Variants in TAFA1 observed in about 807,000 individuals in gnomAD.
TAFA1 encodes the protein chemokine-like protein TAFA-1.
In TAFA1, 4 loss-of-function variants were observed where a neutral mutation model predicts 18.5. That is an observed-to-expected ratio of 0.22 (90% CI 0.11 to 0.49). The LOEUF is 0.49. TAFA1 is among the 20% of genes least tolerant of loss of function. TAFA1 has a pLI of 0.98. For synonymous variants in TAFA1, 56 were observed against 55.2 expected, an observed-to-expected ratio of 1.01 and a Z score of -0.06; for missense variants, 147 against 169.0, an observed-to-expected ratio of 0.87 and a Z score of 0.72.
intron 2 of TAFA1, among the ~76,000 whole-genome samples, chr3:68,010,716 A>G (rs928234657): frequency 6.6e-6 from 1 of 152,224 alleles, no homozygotes; most frequent in Non-Finnish European, 1.5e-5. Context: ...TTTTAAAATT[A>G]CACTAATGAG....
chr3:68,017,330 T>C (rs1329366908), intron 2 of TAFA1, among the ~76,000 whole-genome samples: 1 of 152,232 alleles, frequency 6.6e-6, no homozygotes, highest in Non-Finnish European at 1.5e-5. Flanking sequence ...CTTTTGACAG[T>C]TGCTTGCAGG....
rs536804663 is a variant in TAFA1, at chr3:68,278,902, A to G, written c.119-138378A>G. On this transcript the variant is annotated intron_variant, in intron 2 of 4. Transcript: ENST00000478136. Reference sequence around the variant, plus strand: ...CACCATGGTTTGTTAGCATTGTTCTAGACCAGTGCTTCCAAATTTTAATGT... The same window carrying G: ...CACCATGGTTTGTTAGCATTGTTCTGGACCAGTGCTTCCAAATTTTAATGT... Among the ~76,000 whole-genome samples, 9 of 152,310 alleles carry G rather than the reference A, an allele frequency of 5.9e-5. No individual in the cohort carries two copies. In the South Asian group the frequency reaches 1.4e-3, roughly 25 times the overall value.
chr3:68,337,194 A>G (rs565006866), intron 2 of TAFA1, among the ~76,000 whole-genome samples: 1 of 152,228 alleles, frequency 6.6e-6, no homozygotes, highest in African/African-American at 2.4e-5. Flanking sequence ...CACACTATAC[A>G]GGAAACATGG....
intron 2 of TAFA1, among the ~76,000 whole-genome samples, chr3:68,253,300 A>G (rs1449033856): frequency 1.3e-5 from 2 of 152,184 alleles, no homozygotes; most frequent in Admixed American, 1.3e-4. Context: ...GTCAAAATGA[A>G]CATGCTTTTT....
chr3:68,459,975 G>A lies in TAFA1; in HGVS notation c.259+42555G>A, dbSNP rs552364542. Reference sequence around the variant, plus strand: ...TACTTAGGTAGATCATGAGGGAAACGTGTTAAGGCCGTTTATTGAGGCTTG... The same window carrying A: ...TACTTAGGTAGATCATGAGGGAAACATGTTAAGGCCGTTTATTGAGGCTTG... On this transcript the variant is annotated intron_variant, in intron 3 of 4. Coordinates refer to ENST00000478136, the MANE Select transcript of TAFA1 (RefSeq NM_213609.4). 1.1e-4 allele frequency among the ~76,000 whole-genome samples: 16 copies of A among 152,308 alleles called. No homozygotes were observed. The East Asian group carries it at 2.5e-3, about 24-fold the overall frequency.
At chr3:68,000,646 T>A (rs1704273565), upstream of TAFA1, among the ~76,000 whole-genome samples, 2 of 152,206 alleles carry the variant, frequency 1.3e-5, no homozygotes, top group Admixed American at 6.5e-5. Flanking sequence ...GACATAATGA[T>A]CATGTGTCTT....
intron 2 of TAFA1, among the ~76,000 whole-genome samples, chr3:68,328,677 C>G (rs907336376): frequency 6.6e-6 from 1 of 152,110 alleles, no homozygotes; most frequent in East Asian, 1.9e-4. Context: ...ATTCTCTTTG[C>G]CTGAGTATCA....
At chr3:68,361,502 T>A (rs62245792) in intron 2 of TAFA1, among the ~76,000 whole-genome samples, 16,852 of 152,060 alleles carry the variant, frequency 0.11, 1,248 homozygotes, top group Non-Finnish European at 0.16. Flanking sequence ...TGAAGTGTTA[T>A]GGGCTCATAG....
intron 2 of TAFA1, among the ~76,000 whole-genome samples, chr3:68,024,735 A>T (rs1229407709): frequency 6.6e-6 from 1 of 151,728 alleles, no homozygotes; most frequent in Non-Finnish European, 1.5e-5. Flanking sequence ...CCCATCCCTT[A>T]GGGGCAGAAT....
intron 2 of TAFA1, among the ~76,000 whole-genome samples, chr3:68,311,396 A>C (rs1467028834): frequency 6.6e-6 from 1 of 152,238 alleles, no homozygotes; most frequent in Non-Finnish European, 1.5e-5. Flanking sequence ...CCAAAGTCTT[A>C]TCTGAGACAA....
chr3:68,011,117 A>ATG (rs200479219), intron 2 of TAFA1, among the ~76,000 whole-genome samples: 4 of 100,646 alleles, frequency 4.0e-5, no homozygotes, highest in African/African-American at 1.2e-4. Flanking sequence ...TTAATTTTGA[A>ATG]TGTGTGTGTG....
At chr3:68,171,148 G>A (rs946155854) in intron 2 of TAFA1, among the ~76,000 whole-genome samples, 1 of 152,142 alleles carries the variant, frequency 6.6e-6, no homozygotes, top group African/African-American at 2.4e-5. Context: ...TATCTAGATG[G>A]GCCCAATGTA....
intron 2 of TAFA1, among the ~76,000 whole-genome samples, chr3:68,011,239 A>C (rs1485574366): frequency 1.3e-5 from 2 of 152,184 alleles, no homozygotes; most frequent in Non-Finnish European, 2.9e-5. Context: ...TAAATTATAT[A>C]GATAAATTAC....
intron 2 of TAFA1, among the ~76,000 whole-genome samples, chr3:68,252,290 C>A (rs2067211844): frequency 6.6e-6 from 1 of 152,142 alleles, no homozygotes; most frequent in Non-Finnish European, 1.5e-5. Flanking sequence ...TCCCAGGATT[C>A]CTGAACCCTC....
At chr3:68,446,145 C>T (rs770107181) in intron 3 of TAFA1, among the ~76,000 whole-genome samples, 1 of 152,014 alleles carries the variant, frequency 6.6e-6, no homozygotes, top group East Asian at 1.9e-4. Flanking sequence ...GGCCTCAAGA[C>T]GTCCTCCCAC....
At chr3:68,528,771 C>T (rs2073144472) in intron 3 of TAFA1, among the ~76,000 whole-genome samples, 1 of 152,142 alleles carries the variant, frequency 6.6e-6, no homozygotes, top group Admixed American at 6.5e-5. Flanking sequence ...CTCAAACTCT[C>T]ATAAGTCATA....
intron 2 of TAFA1, among the ~76,000 whole-genome samples, chr3:68,396,128 A>T (rs965580728): frequency 1.3e-5 from 2 of 152,050 alleles, no homozygotes; most frequent in African/African-American, 4.8e-5. Flanking sequence ...GATTTTGGTC[A>T]TTTGGTTTTT....
intron 2 of TAFA1, among the ~76,000 whole-genome samples, chr3:68,077,159 G>GT (rs1189908385): frequency 2.0e-5 from 3 of 148,424 alleles, no homozygotes; most frequent in Non-Finnish European, 4.5e-5. Flanking sequence ...GGGGTTGTTT[G>GT]TTTTTTTCTT....
At chr3:68,388,214 G>T (rs2070146299) in intron 2 of TAFA1, among the ~76,000 whole-genome samples, 1 of 152,058 alleles carries the variant, frequency 6.6e-6, no homozygotes, top group Non-Finnish European at 1.5e-5. Flanking sequence ...TAGGGGACAT[G>T]GCATTGAGTG....
Sources: allele counts gnomAD v4.1 joint callset (sites outside exome capture counted in the v4.1 genomes callset), GRCh38; gene constraint gnomAD v4.1.1; transcripts MANE v1.5; gene names NCBI Gene and HGNC (gene_info 2026-07-23, HGNC 2026-07-21).